The following STRN variants were observed in gnomAD, a reference collection of about 807,000 sequenced individuals.
STRN encodes striatin, also known as protein phosphatase 2 regulatory subunit B'''alpha.
A neutral mutation model predicts 96.3 loss-of-function variants in STRN; 53 were observed. The ratio of observed to expected loss-of-function variants is 0.55; its 90% CI spans 0.44 to 0.69. The LOEUF is 0.69. STRN is among the 30% of genes least tolerant of loss of function. The pLI is 0.00. For missense variants in STRN, 987 were observed against 963.9 expected (o/e 1.02, Z -0.32); for synonymous variants, 428 against 355.9 (o/e 1.20, Z -2.28).
At chr2:36,862,074 A>G (rs1464525750) in intron 12 of STRN, among the ~76,000 whole-genome samples, 2 of 152,194 alleles carry the variant, frequency 1.3e-5, no homozygotes, top group Non-Finnish European at 2.9e-5. Context: ...CTTCAGTTCC[A>G]TGATTTTCCT....
intron 1 of STRN, among the ~76,000 whole-genome samples, chr2:36,943,705 G>C (rs957300198): frequency 1.3e-5 from 2 of 152,130 alleles, no homozygotes; most frequent in Non-Finnish European, 2.9e-5. Context: ...TGGGGAGGCT[G>C]AGGCAGGAGA....
At chr2:36,877,299 A>G (rs867479829) in intron 10 of STRN, among the ~76,000 whole-genome samples, 7 of 152,352 alleles carry the variant, frequency 4.6e-5, no homozygotes, top group Middle Eastern at 6.8e-3. Flanking sequence ...CCTAAAAAAG[A>G]AAACAAAATC....
intron 1 of STRN, among the ~76,000 whole-genome samples, chr2:36,949,942 T>C (rs751086657): frequency 6.6e-6 from 1 of 152,068 alleles, no homozygotes; most frequent in Non-Finnish European, 1.5e-5. Flanking sequence ...GAAAAAAATA[T>C]ATAATTTGGT....
At chr2:36,884,430 CCT>C (rs1290861953) in intron 8 of STRN, among the ~76,000 whole-genome samples, 1 of 152,056 alleles carries the variant, frequency 6.6e-6, no homozygotes. Flanking sequence ...CAGTAACATC[CCT>C]GTTTGTTTAA....
rs1320944932 is a variant in STRN, at chr2:36,841,603, C to T, written c.*7853G>A. 2.6e-5 allele frequency: 4 copies of T among 152,100 alleles called. No individual in the cohort carries two copies. The highest frequency in any genetic ancestry group is 1.9e-4 in the East Asian group (1 of 5,192). The allele number at this position is 152,100 out of a possible 1,614,324, so 9.4% of individuals were successfully genotyped here. On this transcript the variant is annotated 3_prime_UTR_variant, in exon 18 of 18. Transcript: ENST00000263918. Reference sequence around the variant, plus strand: ...CAAAAGAGAACTCACTCTGTAAAAACGATTCTCATATTTTTTCATGAGATT... The same window carrying T: ...CAAAAGAGAACTCACTCTGTAAAAATGATTCTCATATTTTTTCATGAGATT...
chr2:36,925,449 C>T (rs924352521), intron 1 of STRN, among the ~76,000 whole-genome samples: 17 of 152,276 alleles, frequency 1.1e-4, no homozygotes, highest in South Asian at 6.2e-4. Flanking sequence ...TTTTACAACA[C>T]ATAGTCCACA....
intron 1 of STRN, among the ~76,000 whole-genome samples, chr2:36,953,682 G>A (rs1008997090): frequency 2.6e-5 from 4 of 152,162 alleles, no homozygotes; most frequent in South Asian, 2.1e-4. Flanking sequence ...GATTACAGGC[G>A]TGAGCCACCG....
Position 36,905,616 on chromosome 2 carries a change from C to T in STRN, c.415G>A (p.Glu139Lys). ...DMKPPSYDSD[E>K]GNETEVQPQQ... ...GGCTGCACTTCTGTTTCATTACCTTCATCTAGAAAACATTAAGTCATAATA... is the reference window on the plus strand; with the variant it reads ...GGCTGCACTTCTGTTTCATTACCTTTATCTAGAAAACATTAAGTCATAATA... Residue 139 changes from glutamate to lysine, a missense_variant and splice_region_variant, in exon 4 of 18, where the codon GAA becomes AAA. By Grantham distance (56) the Glu-to-Lys change is moderately conservative (BLOSUM62 1). Coordinates refer to ENST00000263918, the MANE Select transcript of STRN (RefSeq NM_003162.4). 1 of 1,612,678 alleles carries T rather than the reference C, an allele frequency of 6.2e-7. No individual in the cohort carries two copies. Among genetic ancestry groups the T allele is most frequent in the South Asian group, 1.1e-5 (1 of 91,016 alleles).
rs1667864177 is a variant in STRN, at chr2:36,838,188, C to T, written c.*11268G>A. Among the ~76,000 whole-genome samples the T allele has an allele frequency of 2.0e-5, 3 of 152,180 alleles. No individual in the cohort carries two copies. The highest frequency in any genetic ancestry group is 6.5e-5 in the Admixed American group (1 of 15,276). ...TGGCAAGCTTTGAAGGTGGAAGGGA[C>T]CACGTGCAAGGACCACGGAGCAACC... On this transcript the variant is annotated 3_prime_UTR_variant, in exon 18 of 18. Coordinates refer to ENST00000263918, the MANE Select transcript of STRN (RefSeq NM_003162.4).
chr2:36,919,368 A>C (rs1670188930), intron 2 of STRN, among the ~76,000 whole-genome samples: 1 of 152,234 alleles, frequency 6.6e-6, no homozygotes, highest in Non-Finnish European at 1.5e-5. Flanking sequence ...AGCTACCAAA[A>C]AGAAGGTAAC....
At chr2:36,963,386 C>G (rs1321088892) in intron 1 of STRN, among the ~76,000 whole-genome samples, 1 of 152,194 alleles carries the variant, frequency 6.6e-6, no homozygotes, top group Non-Finnish European at 1.5e-5. Context: ...AGGACACCAA[C>G]TGAGCCGTAT....
intron 3 of STRN, among the ~76,000 whole-genome samples, chr2:36,910,162 A>G (rs1042760500): frequency 2.1e-4 from 31 of 145,600 alleles, no homozygotes; most frequent in African/African-American, 8.2e-4. Flanking sequence ...GACAAGAGCG[A>G]GACTTTGTCT....
intron 6 of STRN, among the ~76,000 whole-genome samples, chr2:36,899,141 G>A (rs1182166206): frequency 1.3e-5 from 2 of 152,152 alleles, no homozygotes; most frequent in African/African-American, 4.8e-5. Flanking sequence ...CCTGACAAGA[G>A]ACAAAAACTG....
chr2:36,900,605 G>C (rs1306775419), intron 5 of STRN, among the ~76,000 whole-genome samples: 1 of 152,014 alleles, frequency 6.6e-6, no homozygotes. Context: ...ATTTAGTAAA[G>C]ACTGGCTGGA....
intron 1 of STRN, among the ~76,000 whole-genome samples, chr2:36,951,691 T>C (rs1440409644): frequency 6.6e-6 from 1 of 152,252 alleles, no homozygotes; most frequent in African/African-American, 2.4e-5. Flanking sequence ...GCAGCTACTA[T>C]GTGCCAGTCA....
intron 12 of STRN, among the ~76,000 whole-genome samples, chr2:36,867,131 G>A (rs1668648613): frequency 6.6e-6 from 1 of 152,176 alleles, no homozygotes; most frequent in African/African-American, 2.4e-5. Flanking sequence ...AATGGTCTAA[G>A]TAACTAATTG....
In STRN at chr2:36,957,748, T is replaced by TTTG. The variant is rs1558669976; in HGVS notation, c.234+8481_234+8482insCAA. On this transcript the variant is annotated intron_variant, in intron 1 of 17. Transcript: ENST00000263918. Reference sequence around the variant, plus strand: ...TCTCATAGTTCTTCTTTTTGTCTTTTTTTTTTTTTTTTTTTTTTTTTTTTG... The same window carrying TTTG: ...TCTCATAGTTCTTCTTTTTGTCTTTTTTGTTTTTTTTTTTTTTTTTTTTTTTTG... Among the ~76,000 whole-genome samples the TTTG allele has an allele frequency of 1.3e-4, 10 of 75,848 alleles. 1 individual carries two copies. Among genetic ancestry groups the TTTG allele is most frequent in the Admixed American group, 6.2e-4 (6 of 9,612 alleles). 49.8% of individuals were successfully genotyped at this position (75,848 alleles called of 152,430 possible).
intron 10 of STRN, among the ~76,000 whole-genome samples, chr2:36,870,815 G>A (rs1668743237): frequency 6.6e-6 from 1 of 152,142 alleles, no homozygotes; most frequent in South Asian, 2.1e-4. Flanking sequence ...AGAAGGCACT[G>A]TTATCACAAA....
intron 1 of STRN, among the ~76,000 whole-genome samples, chr2:36,941,680 G>A (rs1670847147): frequency 6.7e-6 from 1 of 149,852 alleles, no homozygotes; most frequent in Admixed American, 6.7e-5. Flanking sequence ...CTCCTAAGTA[G>A]TTGGGATTAC....
Sources: gnomAD v4.1 joint callset for allele counts (sites outside exome capture counted in the v4.1 genomes callset) on GRCh38, gnomAD v4.1.1 for gene constraint, MANE v1.5 for transcripts, NCBI Gene and HGNC (gene_info 2026-07-23, HGNC 2026-07-21) for gene names.